Variants in MSANTD3 observed in about 807,000 individuals in gnomAD.
MSANTD3 encodes myb/SANT-like DNA-binding domain-containing protein 3.
MSANTD3 carries 11 observed loss-of-function variants against 27.7 expected under a neutral mutation model. The observed-to-expected ratio is 0.40, with a 90% CI of 0.25 to 0.66. The LOEUF is 0.66. Ranked by LOEUF, MSANTD3 falls within the 30% of genes least tolerant of loss-of-function variation. The pLI is 0.41. For missense variants in MSANTD3, 250 were observed against 336.5 expected (o/e 0.74, Z 2.01); for synonymous variants, 131 against 127.2 (o/e 1.03, Z -0.20).
chr9:100,448,739 AG>A (rs747288333), intron 2 of MSANTD3: 1 of 985,404 alleles, frequency 1.0e-6, no homozygotes, highest in Non-Finnish European at 1.2e-6. Context: ...CCCAGGAGGC[AG>A]TGGGAGCATG....
At chr9:100,447,468 G>C (rs561864971) in intron 2 of MSANTD3, among the ~76,000 whole-genome samples, 1 of 152,220 alleles carries the variant, frequency 6.6e-6, no homozygotes, top group East Asian at 1.9e-4. Flanking sequence ...CAAACATACT[G>C]TCTTTTTATG....
chr9:100,443,053 A>G (rs1012476834), intron 2 of MSANTD3, among the ~76,000 whole-genome samples: 3 of 152,220 alleles, frequency 2.0e-5, no homozygotes, highest in Admixed American at 2.0e-4. Context: ...ATATTTTTGG[A>G]GGTCCTTATT....
intron 2 of MSANTD3, among the ~76,000 whole-genome samples, chr9:100,443,848 A>G (rs1031218067): frequency 6.6e-6 from 1 of 152,224 alleles, no homozygotes; most frequent in African/African-American, 2.4e-5. Flanking sequence ...ACATTGAAGC[A>G]GAGGATGTTT....
intron 2 of MSANTD3, chr9:100,449,139 A>G: frequency 1.0e-6 from 1 of 985,410 alleles, no homozygotes; most frequent in Non-Finnish European, 1.2e-6. Context: ...AAAGCTTCTC[A>G]AGAAAGCCTT....
intron 1 of MSANTD3, among the ~76,000 whole-genome samples, chr9:100,431,619 T>C (rs1053257803): frequency 3.9e-5 from 6 of 152,060 alleles, no homozygotes; most frequent in South Asian, 2.1e-4. Flanking sequence ...CCCAACTTTT[T>C]TTTTAAAACA....
chr9:100,433,525 T>A (rs1438558656), intron 1 of MSANTD3, among the ~76,000 whole-genome samples: 1 of 152,098 alleles, frequency 6.6e-6, no homozygotes, highest in African/African-American at 2.4e-5. Flanking sequence ...ACATGCCACC[T>A]TGCCTGGCTA....
intron 2 of MSANTD3, among the ~76,000 whole-genome samples, chr9:100,449,426 G>A (rs1364224071): frequency 6.6e-6 from 1 of 152,192 alleles, no homozygotes; most frequent in Admixed American, 6.5e-5. Flanking sequence ...ATACTAGTGT[G>A]TGTTAAGTGC....
chr9:100,445,360 A>G (rs1205900508), intron 2 of MSANTD3: 8 of 626,302 alleles, frequency 1.3e-5, no homozygotes, highest in South Asian at 4.5e-5. Context: ...CACAAGCCAC[A>G]TGAGGCTCAT....
intron 2 of MSANTD3, among the ~76,000 whole-genome samples, chr9:100,442,591 G>C (rs1836654733): frequency 6.6e-6 from 1 of 151,990 alleles, no homozygotes; most frequent in African/African-American, 2.4e-5. Context: ...AGGATGGCTT[G>C]AGCTCAGGAA....
At position 100,451,068 on chromosome 9, in the gene MSANTD3, A is replaced by G; in HGVS notation, c.*102A>G. On this transcript the variant is annotated 3_prime_UTR_variant, in exon 3 of 3. Coordinates refer to ENST00000395067, the MANE Select transcript of MSANTD3 (RefSeq NM_080655.3). The stretch of plus-strand genomic sequence containing the variant: ...CCTGTAACAGAGCTACAACTAGGAA[A>G]ATTAGAGTGGTAGTAGTCACTTATT... 1 of 1,170,056 alleles carries G rather than the reference A, an allele frequency of 8.5e-7. No individual in the cohort carries two copies. 72.5% of individuals were successfully genotyped at this position (1,170,056 alleles called of 1,614,324 possible). A position where few individuals can be genotyped will look rare whatever the true frequency, so the allele number is the denominator to read the frequency against.
At chr9:100,439,517 A>AT (rs1360856102) in intron 1 of MSANTD3, among the ~76,000 whole-genome samples, 2 of 141,962 alleles carry the variant, frequency 1.4e-5, no homozygotes. Flanking sequence ...TTTTTTTTTA[A>AT]TTTTTTTTTC....
rs1410581004 is a variant in MSANTD3, at chr9:100,437,019, G to GA, written c.-33-4887_-33-4886insA. ...GGGGTTTCGCCTTATTGGCCAGGCT[G>GA]GTCTTGAACTCCTGACCTCAGGTGA... is the stretch of plus-strand genomic sequence containing the variant. On this transcript the variant is annotated intron_variant, in intron 1 of 2. Transcript: ENST00000395067. Among the ~76,000 whole-genome samples, 4 of 152,266 alleles carry GA rather than the reference G, an allele frequency of 2.6e-5. No homozygotes were observed. The East Asian group carries it at 7.7e-4, about 29-fold the overall frequency.
intron 2 of MSANTD3, among the ~76,000 whole-genome samples, chr9:100,448,005 A>G (rs985950442): frequency 6.6e-6 from 1 of 152,106 alleles, no homozygotes; most frequent in Admixed American, 6.6e-5. Flanking sequence ...AGCCTGGGCA[A>G]CATGGTGAAA....
At chr9:100,437,721 A>G (rs906949262) in intron 1 of MSANTD3, among the ~76,000 whole-genome samples, 6 of 152,214 alleles carry the variant, frequency 3.9e-5, no homozygotes, top group African/African-American at 9.6e-5. Context: ...AATGGTCCCC[A>G]GGTGTTGGTA....
At chr9:100,428,908 A>G (rs1185147312) in intron 1 of MSANTD3, among the ~76,000 whole-genome samples, 1 of 152,158 alleles carries the variant, frequency 6.6e-6, no homozygotes. Flanking sequence ...AAGGCTTTGG[A>G]TCCTGAAGAA....
intron 2 of MSANTD3, among the ~76,000 whole-genome samples, chr9:100,450,087 G>A (rs1314432226): frequency 2.6e-5 from 4 of 152,172 alleles, no homozygotes; most frequent in Non-Finnish European, 5.9e-5. Context: ...CTGTGACCAG[G>A]AAACAGCAAT....
At chr9:100,442,670 A>G (rs1836656199) in intron 2 of MSANTD3, among the ~76,000 whole-genome samples, 1 of 151,902 alleles carries the variant, frequency 6.6e-6, no homozygotes, top group African/African-American at 2.4e-5. Flanking sequence ...TTAGCTGGGC[A>G]TGGTAGCATG....
intron 2 of MSANTD3, chr9:100,444,478 T>G (rs2118245635): frequency 6.6e-6 from 1 of 152,540 alleles, no homozygotes; most frequent in East Asian, 1.9e-4. Flanking sequence ...CCAGTTACTC[T>G]GTTCCTCTCC....
intron 1 of MSANTD3, chr9:100,427,648 G>A (rs1217989511): frequency 1.3e-5 from 2 of 152,178 alleles, no homozygotes; most frequent in East Asian, 1.9e-4. Flanking sequence ...CCCACGGCTG[G>A]GAGCGGGGTG....
Sources: gnomAD v4.1 joint callset for allele counts (sites outside exome capture counted in the v4.1 genomes callset) on GRCh38, gnomAD v4.1.1 for gene constraint, MANE v1.5 for transcripts, NCBI Gene and HGNC (gene_info 2026-07-23, HGNC 2026-07-21) for gene names.